Variants in HAUS7 observed in about 807,000 individuals in gnomAD.
HAUS7 encodes the protein HAUS augmin like complex subunit 7, also known as HAUS augmin-like complex subunit 7.
In HAUS7, 3 loss-of-function variants were observed where a neutral mutation model predicts 28.4. The ratio of observed to expected loss-of-function variants is 0.11; its 90% confidence interval spans 0.05 to 0.27. HAUS7 has a LOEUF of 0.27. Among genes scored for constraint, HAUS7 ranks in the 10% least tolerant of loss-of-function variants. The probability of loss-of-function intolerance (pLI) is 1.00; values close to 1 mark genes in which losing one functional copy is unlikely to be tolerated. For synonymous variants in HAUS7, 165 were observed against 132.1 expected, an observed-to-expected ratio of 1.25 and a Z score of -1.71; for missense variants, 284 against 297.3, an observed-to-expected ratio of 0.96 and a Z score of 0.33.
upstream of HAUS7, among the ~76,000 whole-genome samples, chrX:153,472,921 T>C (rs1556985631): frequency 9.2e-6 from 1 of 108,613 alleles, no homozygotes. Context: ...GGGGTCCTGG[T>C]CATGGAGGAA....
Position 153,490,638 on chromosome X carries a change from G to A in HAUS7, c.-589+4736C>T, listed in dbSNP as rs781838440. Among the ~76,000 whole-genome samples the A allele has an allele frequency of 9.7e-5, 11 of 113,055 alleles. No homozygotes were observed. The East Asian group carries it at 3.1e-3, about 32-fold the overall frequency. ...TCTGCCCCCGAGGGTGCCGACACTGGGAATGGACGAAGCCCACAGGCTCGG... is the reference window on the plus strand; with the variant it reads ...TCTGCCCCCGAGGGTGCCGACACTGAGAATGGACGAAGCCCACAGGCTCGG... On this transcript the variant is annotated intron_variant, in intron 1 of 5. Transcript: ENST00000370210.
chrX:153,459,724 T>C (rs1602934678), intron 4 of HAUS7, among the ~76,000 whole-genome samples: 1 of 112,257 alleles, frequency 8.9e-6, no homozygotes, highest in Non-Finnish European at 1.9e-5. Context: ...AATGTAAAAA[T>C]ATATGCGGAG....
upstream of HAUS7, chrX:153,470,881 G>GA (rs781843455): frequency 5.6e-5 from 20 of 358,596 alleles, no homozygotes; most frequent in Non-Finnish European, 1.1e-4. Flanking sequence ...CACCGGGAAG[G>GA]GGCGGGGCGA....
chrX:153,478,349 T>C (rs2089576023), intron 1 of HAUS7, among the ~76,000 whole-genome samples: 1 of 111,295 alleles, frequency 9.0e-6, no homozygotes, highest in Non-Finnish European at 1.9e-5. Context: ...TGCCCCTCAC[T>C]CCACCACACG....
intron 4 of HAUS7, among the ~76,000 whole-genome samples, chrX:153,458,096 G>A (rs782628627): frequency 2.1e-4 from 24 of 113,615 alleles, no homozygotes; most frequent in Middle Eastern, 4.6e-3. Flanking sequence ...GAGCCAGTCC[G>A]TTCTGGTGCA....
chrX:153,456,801 T>C (rs1469942993), intron 5 of HAUS7, 150 bp from the exon 6 acceptor site: 1 of 486,890 alleles, frequency 2.1e-6, no homozygotes, highest in Non-Finnish European at 3.4e-6. Flanking sequence ...GCCCCACCTG[T>C]CTGCCCTGGC....
rs189611296 is a variant in HAUS7 at position 153,491,939 on chromosome X, G to A, written c.-589+3435C>T. ...TTTTGGGGGAAGCATCCCAGCTAGG[G>A]CCTAGGGGGCCTGTGCAGTGGCATC... is the stretch of plus-strand genomic sequence containing the variant. On this transcript the variant is annotated intron_variant, in intron 1 of 5. Transcript: ENST00000370210. 2.7e-3 allele frequency among the ~76,000 whole-genome samples: 308 copies of A among 113,098 alleles called. 2 individuals carry two copies. Among genetic ancestry groups the A allele is most frequent in the African/African-American group, 9.2e-3 (286 of 31,232 alleles).
At chrX:153,454,583 C>A in intron 8 of HAUS7, 75 bp from the exon 9 acceptor site, 1 of 597,540 alleles carries the variant, frequency 1.7e-6, no homozygotes, top group Non-Finnish European at 2.7e-6. Flanking sequence ...TCTCACGTAG[C>A]GACGGCATCT....
chrX:153,474,914 T>C, upstream of HAUS7, among the ~76,000 whole-genome samples: 1 of 110,668 alleles, frequency 9.0e-6, no homozygotes, highest in Non-Finnish European at 1.9e-5. Flanking sequence ...CTAGACGGCT[T>C]GGCAAGGCCG....
At chrX:153,467,518 C>A (rs945962960) in intron 2 of HAUS7, among the ~76,000 whole-genome samples, 1 of 111,740 alleles carries the variant, frequency 8.9e-6, no homozygotes, top group Admixed American at 9.4e-5. Flanking sequence ...CACCTCAACT[C>A]CCTGCTCCTG....
At chrX:153,490,782 C>T (rs1397254478) in intron 1 of HAUS7, among the ~76,000 whole-genome samples, 1 of 112,815 alleles carries the variant, frequency 8.9e-6, no homozygotes, top group Non-Finnish European at 1.9e-5. Flanking sequence ...TCTGCAAGAG[C>T]TACTCCCCAA....
rs781895397 is a variant in HAUS7, at chrX:153,486,797, A to T, written c.-589+8577T>A. ...GTCCTCCAGCCCCAGCGGCGGGGGG[A>T]GGAGGGCTCCTAGTCCTGCCTGCCG... On this transcript the variant is annotated intron_variant, in intron 1 of 5. Transcript: ENST00000370210. 374 of 979,587 alleles carry T rather than the reference A, an allele frequency of 3.8e-4. 2 individuals are homozygous for T. In the African/African-American group the frequency reaches 7.0e-3, roughly 18 times the overall value. The allele number at this position is 979,587 out of a possible 1,213,427, so 80.7% of individuals were successfully genotyped here.
chrX:153,463,044 T>C (rs971574386), intron 3 of HAUS7: 7 of 364,544 alleles, frequency 1.9e-5, no homozygotes, highest in African/African-American at 1.8e-4. Context: ...ACCGCTCCCA[T>C]CTGGCCATGT....
chrX:153,485,893 C>A, intron 1 of HAUS7: 1 of 934,673 alleles, frequency 1.1e-6, no homozygotes, highest in South Asian at 2.3e-5. Context: ...GCTACGCGTT[C>A]GCGCACATGA....
At chrX:153,469,636 C>T (rs1037701870) in intron 1 of HAUS7, among the ~76,000 whole-genome samples, 2 of 112,917 alleles carry the variant, frequency 1.8e-5, no homozygotes, top group Non-Finnish European at 3.8e-5. Context: ...CCTCAGTGTA[C>T]ATCTGCAAGC....
chrX:153,455,141 G>A, intron 8 of HAUS7: 7 of 484,597 alleles, frequency 1.4e-5, no homozygotes, highest in South Asian at 2.4e-5. Context: ...AGACAGGCAG[G>A]CATTTGTCTG....
chrX:153,483,476 G>A, intron 1 of HAUS7: 1 of 755,088 alleles, frequency 1.3e-6, no homozygotes, highest in Non-Finnish European at 1.6e-6. Flanking sequence ...TCGCCCCAAT[G>A]GGCATTCGGA....
intron 8 of HAUS7, 183 bp downstream of exon 8, chrX:153,455,358 GC>G: frequency 2.2e-6 from 1 of 447,398 alleles, no homozygotes; most frequent in Non-Finnish European, 3.9e-6. Flanking sequence ...CCACTGAGGG[GC>G]CCAGAGCCCT....
At chrX:153,452,122 G>C (rs1299499362) in intron 9 of HAUS7, among the ~76,000 whole-genome samples, 1 of 112,220 alleles carries the variant, frequency 8.9e-6, no homozygotes, top group Non-Finnish European at 1.9e-5. Flanking sequence ...GCAGCCAGAG[G>C]ACACTGAAAT....
Sources: gnomAD v4.1 joint callset for allele counts (sites outside exome capture counted in the v4.1 genomes callset) on GRCh38, gnomAD v4.1.1 for gene constraint, MANE v1.5 for transcripts, NCBI Gene and HGNC (gene_info 2026-07-23, HGNC 2026-07-21) for gene names.